Variants in SMYD1 observed in about 807,000 individuals in gnomAD.
The protein encoded by SMYD1 is SET and MYND domain containing 1, also known as histone-lysine N-methyltransferase SMYD1.
In SMYD1, 49 loss-of-function variants were observed where a neutral mutation model predicts 54.0. The ratio of observed to expected loss-of-function variants is 0.91; its 90% confidence interval spans 0.72 to 1.15. SMYD1 has a LOEUF of 1.15. Ranked by LOEUF, SMYD1 falls within the 50% of genes most tolerant of loss-of-function variation. The pLI is 0.00. For missense variants in SMYD1, 653 were observed against 639.6 expected (o/e 1.02, Z -0.23); for synonymous variants, 269 against 234.2 (o/e 1.15, Z -1.36).
At chr2:88,083,195 T>C (rs1674239670) in intron 1 of SMYD1, 1 of 151,968 alleles carries the variant, frequency 6.6e-6, no homozygotes, top group Non-Finnish European at 1.5e-5. Context: ...ACGGAAATGG[T>C]TTTCATTATT....
At chr2:88,092,766 G>A (rs1000028130) in intron 4 of SMYD1, among the ~76,000 whole-genome samples, 1 of 152,232 alleles carries the variant, frequency 6.6e-6, no homozygotes, top group Non-Finnish European at 1.5e-5. Flanking sequence ...CTGGTTGGCA[G>A]AGAGGATCAA....
At position 88,088,062 on chromosome 2, in the gene SMYD1, A is replaced by T. The variant is rs943119674; in HGVS notation, c.515A>T (p.His172Leu). Residue 172 changes from histidine (H) to leucine (L), a missense_variant, in exon 3 of 10, where the codon CAC becomes CTC. His to Leu is a moderately conservative substitution (Grantham distance 99). Transcript: ENST00000419482. ...CAGTTCAGCATGCAGTACATCTCGC[A>T]CATCTTCGGAGTGGTAGGCCCCCTG... Reference protein sequence around the residue: ...SQQFSMQYISHIFGVINCNGF... With the variant: ...SQQFSMQYISLIFGVINCNGF... The T allele has an allele frequency of 3.7e-6, 6 of 1,613,410 alleles. No homozygotes were observed. In the African/African-American group the frequency reaches 8.0e-5, roughly 22 times the overall value.
intron 3 of SMYD1, among the ~76,000 whole-genome samples, chr2:88,090,771 G>C (rs997588085): frequency 6.6e-6 from 1 of 152,144 alleles, no homozygotes; most frequent in African/African-American, 2.4e-5. Flanking sequence ...TTAGAATAGA[G>C]CCACAAAAAA....
At chr2:88,069,253 G>C (rs1050821382) in intron 1 of SMYD1, among the ~76,000 whole-genome samples, 1 of 152,148 alleles carries the variant, frequency 6.6e-6, no homozygotes, top group Non-Finnish European at 1.5e-5. Context: ...GACCACCCTG[G>C]GAAAGGGCAC....
chr2:88,077,864 C>T (rs1674104815), intron 1 of SMYD1, among the ~76,000 whole-genome samples: 1 of 151,956 alleles, frequency 6.6e-6, no homozygotes, highest in African/African-American at 2.4e-5. Flanking sequence ...ACTGGGATTA[C>T]AGGTGCCCGC....
intron 7 of SMYD1, among the ~76,000 whole-genome samples, chr2:88,105,449 T>G (rs1674840185): frequency 6.6e-6 from 1 of 152,124 alleles, no homozygotes; most frequent in East Asian, 1.9e-4. Flanking sequence ...GATACTAAAA[T>G]CTTCAGATGC....
In SMYD1 at chr2:88,111,283, C is replaced by T. The variant is rs1675016353; in HGVS notation, c.*771C>T. ...AGAACACACAGAGAGGGAATAAGTC[C>T]CTCTATCACCCTTATTACCAAGCCT... On this transcript the variant is annotated 3_prime_UTR_variant, in exon 10 of 10. Coordinates refer to ENST00000419482, the MANE Select transcript of SMYD1 (RefSeq NM_198274.4). The T allele has an allele frequency of 6.6e-6, 1 of 152,132 alleles. No homozygotes were observed. Among genetic ancestry groups the T allele is most frequent in the Admixed American group, 6.5e-5 (1 of 15,278 alleles). 9.4% of individuals were successfully genotyped at this position (152,132 alleles called of 1,614,324 possible).
At position 88,087,895 on chromosome 2, in the gene SMYD1, A is replaced by G. The variant is rs750155041; in HGVS notation, c.348A>G (p.Arg116=). ...LAARIMWRVE[R]EGTGLTEGCL... ...CGCGCATCATGTGGCGGGTGGAGAG[A>G]GAAGGCACCGGGCTCACGGAGGGCT... Residue 116 remains arginine (R), a synonymous_variant, in exon 3 of 10, where the codon AGA becomes AGG. Coordinates refer to ENST00000419482, the MANE Select transcript of SMYD1 (RefSeq NM_198274.4). 3.7e-6 allele frequency: 6 copies of G among 1,601,436 alleles called. No individual in the cohort carries two copies. Among genetic ancestry groups the G allele is most frequent in the Non-Finnish European group, 5.1e-6 (6 of 1,173,260 alleles).
intron 9 of SMYD1, among the ~76,000 whole-genome samples, chr2:88,109,927 T>C (rs1288990355): frequency 6.6e-6 from 1 of 152,096 alleles, no homozygotes; most frequent in Admixed American, 6.5e-5. Flanking sequence ...GGCTCTTCTG[T>C]GTGTCACACA....
At chr2:88,106,750 G>T (rs1301819497) in intron 8 of SMYD1, among the ~76,000 whole-genome samples, 1 of 152,124 alleles carries the variant, frequency 6.6e-6, no homozygotes, top group African/African-American at 2.4e-5. Context: ...CACTTGGGTG[G>T]CATCTTCTGC....
intron 1 of SMYD1, among the ~76,000 whole-genome samples, chr2:88,079,372 A>G (rs1203559290): frequency 2.6e-5 from 4 of 152,194 alleles, no homozygotes; most frequent in Non-Finnish European, 5.9e-5. Context: ...GTATTAAGTT[A>G]GTTAATGGGA....
In SMYD1 at chr2:88,108,488, C is replaced by G; in HGVS notation, c.1263C>G (p.Ala421=). 5 of 1,610,746 alleles carry G rather than the reference C, an allele frequency of 3.1e-6. No individual in the cohort carries two copies. The highest frequency in any genetic ancestry group is 4.2e-6 in the Non-Finnish European group (5 of 1,178,638). Residue 421 remains alanine, a synonymous_variant, in exon 9 of 10, where the codon GCC becomes GCG. Coordinates refer to ENST00000419482, the MANE Select transcript of SMYD1 (RefSeq NM_198274.4). ...ACGGGATGATCTGCAAAGCCTATGCCATTCTCCTGGTGACACACGGACCCT... is the reference window on the plus strand; with the variant it reads ...ACGGGATGATCTGCAAAGCCTATGCGATTCTCCTGGTGACACACGGACCCT... The part of the protein sequence containing the change: ...VGHGMICKAY[A]ILLVTHGPSH...
rs1675003525 is a variant in SMYD1, at chr2:88,110,768, A to G, written c.*256A>G. 1 of 404,278 alleles carries G rather than the reference A, an allele frequency of 2.5e-6. No individual in the cohort carries two copies. The highest frequency in any genetic ancestry group is 4.1e-5 in the East Asian group (1 of 24,104). 25.0% of individuals were successfully genotyped at this position (404,278 alleles called of 1,614,324 possible). A position where few individuals can be genotyped will look rare whatever the true frequency, so the allele number is the denominator to read the frequency against. ...GATGATAGGCCCTAGAACCCAATAA[A>G]GGAGCTCCAAATGTCGTTGGGTGGG... is the stretch of plus-strand genomic sequence containing the variant. On this transcript the variant is annotated 3_prime_UTR_variant, in exon 10 of 10. Coordinates refer to ENST00000419482, the MANE Select transcript of SMYD1 (RefSeq NM_198274.4).
chr2:88,084,328 T>C lies in SMYD1; in HGVS notation c.150T>C (p.Phe50=). 1 of 1,570,932 alleles carries C rather than the reference T, an allele frequency of 6.4e-7. No individual in the cohort carries two copies. Among genetic ancestry groups the C allele is most frequent in the South Asian group, 1.1e-5 (1 of 88,298 alleles). Residue 50 remains phenylalanine, a synonymous_variant, in exon 2 of 10, where the codon TTT becomes TTC. Coordinates refer to ENST00000419482, the MANE Select transcript of SMYD1 (RefSeq NM_198274.4). ...SAVVFDSLVN[F]VCHTCFKRQE... is the part of the protein sequence containing the mutation. ...TCTCCATTTCCAGCCTTGTTAATTT[T>C]GTGTGCCACACCTGCTTCAAGAGGC...
At position 88,095,179 on chromosome 2, in the gene SMYD1, A is replaced by C. The variant is rs537606510; in HGVS notation, c.699-1416A>C. ...GCTCAGACATAGGATTCTAAGCAGA[A>C]CTGTGAGCAGAATCACCCGGCCTTC... On this transcript the variant is annotated intron_variant, in intron 5 of 9. Transcript: ENST00000419482. Among the ~76,000 whole-genome samples the C allele has an allele frequency of 1.1e-4, 16 of 152,286 alleles. No homozygotes were observed. The South Asian group carries it at 2.1e-3, about 20-fold the overall frequency.
intron 4 of SMYD1, among the ~76,000 whole-genome samples, chr2:88,091,463 A>G (rs781421341): frequency 6.6e-6 from 1 of 152,116 alleles, no homozygotes; most frequent in Non-Finnish European, 1.5e-5. Flanking sequence ...TCAAGGTCTC[A>G]GCAGGAATCA....
In SMYD1 at chr2:88,103,127, C is replaced by A. The variant is rs146646005; in HGVS notation, c.958C>A (p.Arg320Ser). 1 of 1,613,500 alleles carries A rather than the reference C, an allele frequency of 6.2e-7. No individual in the cohort carries two copies. The highest frequency in any genetic ancestry group is 1.1e-5 in the South Asian group (1 of 91,052). ...TACATTGGAAAAGATAGACAAGGCT[C>A]GTTCCGAGGGTTTGTATCATGAGGT... Reference protein sequence around the residue: ...KDTLEKIDKARSEGLYHEVVK... With the variant: ...KDTLEKIDKASSEGLYHEVVK... The change falls in exon 7 of 10, where the codon CGT becomes AGT. Residue 320 changes from arginine to serine, a missense_variant. Arg to Ser is a moderately radical substitution (Grantham distance 110). Coordinates refer to ENST00000419482, the MANE Select transcript of SMYD1 (RefSeq NM_198274.4).
At chr2:88,070,347 C>CT (rs1194053163) in intron 1 of SMYD1, among the ~76,000 whole-genome samples, 1 of 152,188 alleles carries the variant, frequency 6.6e-6, no homozygotes, top group Non-Finnish European at 1.5e-5. Flanking sequence ...TTTAATCCAT[C>CT]TTACTGCAAG....
At chr2:88,109,681 C>T (rs1674965760) in intron 9 of SMYD1, among the ~76,000 whole-genome samples, 1 of 152,160 alleles carries the variant, frequency 6.6e-6, no homozygotes, top group Admixed American at 6.5e-5. Context: ...TGGATGTCCT[C>T]TTACTATTCA....
Sources: allele counts gnomAD v4.1 joint callset (sites outside exome capture counted in the v4.1 genomes callset), GRCh38; gene constraint gnomAD v4.1.1; transcripts MANE v1.5; gene names NCBI Gene and HGNC (gene_info 2026-07-23, HGNC 2026-07-21).